FBXO33: variants seen among roughly 807,000 people sequenced by gnomAD.
The protein encoded by FBXO33 is F-box only protein 33.
Under a neutral mutation model 46.3 loss-of-function variants are expected in FBXO33, and 22 were observed. That is an observed-to-expected ratio of 0.48 (90% CI 0.34 to 0.68). FBXO33 has a LOEUF of 0.68. Ranked by LOEUF, FBXO33 falls within the 30% of genes least tolerant of loss-of-function variation. The pLI, the probability that FBXO33 is intolerant of heterozygous loss-of-function variation, is 0.01. For missense variants in FBXO33, 692 were observed against 708.8 expected, an observed-to-expected ratio of 0.98 and a Z score of 0.27; for synonymous variants, 337 against 291.3, an observed-to-expected ratio of 1.16 and a Z score of -1.60.
rs967693160 is a variant in FBXO33 at position 39,398,693 on chromosome 14, T to C, written c.*823A>G. On this transcript the variant is annotated 3_prime_UTR_variant, in exon 4 of 4. Coordinates refer to ENST00000298097, the MANE Select transcript of FBXO33 (RefSeq NM_203301.4). ...AGAGAAAAATCCAGTGACTTGTTGC[T>C]AGGGATTTCACGACTAATGTTTTTG... 5.2e-5 allele frequency: 8 copies of C among 152,668 alleles called. No individual in the cohort carries two copies. Among genetic ancestry groups the C allele is most frequent in the African/African-American group, 1.9e-4 (8 of 41,470 alleles). 9.5% of individuals were successfully genotyped at this position (152,668 alleles called of 1,614,324 possible). A position where few individuals can be genotyped will look rare whatever the true frequency, so the allele number is the denominator to read the frequency against.
chr14:39,414,546 T>G (rs1463766123), intron 1 of FBXO33, among the ~76,000 whole-genome samples: 1 of 152,264 alleles, frequency 6.6e-6, no homozygotes, highest in African/African-American at 2.4e-5. Context: ...GCTCTTGAAG[T>G]GCCTTCCTTA....
chr14:39,400,604 G>GT, intron 3 of FBXO33, among the ~76,000 whole-genome samples: 1 of 152,096 alleles, frequency 6.6e-6, no homozygotes, highest in East Asian at 1.9e-4. Flanking sequence ...TAATAAGAGA[G>GT]TTTAAGACAT....
intron 1 of FBXO33, among the ~76,000 whole-genome samples, chr14:39,408,001 C>A (rs1273500882): frequency 6.6e-6 from 1 of 152,174 alleles, no homozygotes; most frequent in Non-Finnish European, 1.5e-5. Flanking sequence ...GAGTGCAGGG[C>A]ACCATCTAGG....
intron 1 of FBXO33, among the ~76,000 whole-genome samples, chr14:39,427,041 A>G (rs1453291154): frequency 2.0e-5 from 3 of 152,202 alleles, no homozygotes; most frequent in Non-Finnish European, 4.4e-5. Flanking sequence ...CTATCATTTT[A>G]GCTCCTAAAT....
chr14:39,409,616 GC>G (rs745546875), intron 1 of FBXO33, among the ~76,000 whole-genome samples: 1 of 152,178 alleles, frequency 6.6e-6, no homozygotes, highest in Non-Finnish European at 1.5e-5. Flanking sequence ...TGTAAAACAT[GC>G]CATTGAGATT....
rs1433752736 is a variant in FBXO33 at position 39,399,449 on chromosome 14, C to A, written c.*67G>T. On this transcript the variant is annotated 3_prime_UTR_variant, in exon 4 of 4. Transcript: ENST00000298097. ...AGCACAAAAGGATTAATTCACACTA[C>A]TGAAAAAAAAACATAATAGGACCCT... is the stretch of plus-strand genomic sequence containing the variant. The A allele has an allele frequency of 3.5e-6, 5 of 1,409,900 alleles. No homozygotes were observed. The highest frequency in any genetic ancestry group is 4.6e-5 in the Admixed American group (2 of 43,228). 87.3% of individuals were successfully genotyped at this position (1,409,900 alleles called of 1,614,324 possible).
In FBXO33 at chr14:39,402,424, G is replaced by T. The variant is rs1288952168; in HGVS notation, c.687C>A (p.Asp229Glu). The change falls in exon 2 of 4, where the codon GAC becomes GAA. Residue 229 changes from aspartate (D) to glutamate (E), a missense_variant. Transcript: ENST00000298097. ...ACTGTTTAATTTTTTTGCCATCAGG[G>T]TCCACCTTGCTGAGGTATGTATTTG... ...SLSNTYLSKV[D>E]PDGKKIKQIQ... 2.5e-6 allele frequency: 4 copies of T among 1,572,184 alleles called. No individual in the cohort carries two copies. The highest frequency in any genetic ancestry group is 1.8e-5 in the Admixed American group (1 of 55,866).
chr14:39,424,389 A>G (rs1186795089), intron 1 of FBXO33, among the ~76,000 whole-genome samples: 2 of 152,244 alleles, frequency 1.3e-5, no homozygotes, highest in Non-Finnish European at 2.9e-5. Flanking sequence ...TTTCCATAAG[A>G]AAAAGCTCTA....
rs2075356106 is a variant in FBXO33, at chr14:39,398,922, A to G, written c.*594T>C. 6.6e-6 allele frequency: 1 copy of G among 152,224 alleles called. No homozygotes were observed. Among genetic ancestry groups the G allele is most frequent in the Admixed American group, 6.5e-5 (1 of 15,280 alleles). 9.4% of individuals were successfully genotyped at this position (152,224 alleles called of 1,614,324 possible). A position where few individuals can be genotyped will look rare whatever the true frequency, so the allele number is the denominator to read the frequency against. On this transcript the variant is annotated 3_prime_UTR_variant, in exon 4 of 4. Transcript: ENST00000298097. ...ACGTAAATGCATTTTTTTTAAAAGG[A>G]TTAAGCAATGTTCTAACCTAGTACT...
At position 39,431,906 on chromosome 14, in the gene FBXO33, G is replaced by A; in HGVS notation, c.257C>T (p.Pro86Leu). ...IVHIFSFLPA[P>L]DRLRASASCS... ...GGAGGCCGAGGCCCGCAGCCGGTCG[G>A]GCGCCGGCAGAAAAGAGAAGATGTG... The change falls in exon 1 of 4, where the codon CCC becomes CTC. Residue 86 changes from proline to leucine, a missense_variant. By Grantham distance (98) the Pro-to-Leu change is moderately conservative (BLOSUM62 -3). Transcript: ENST00000298097. 1.3e-6 allele frequency: 2 copies of A among 1,545,572 alleles called. No individual in the cohort carries two copies. Among genetic ancestry groups the A allele is most frequent in the Non-Finnish European group, 1.7e-6 (2 of 1,151,946 alleles).
intron 1 of FBXO33, among the ~76,000 whole-genome samples, chr14:39,417,009 T>C (rs1203081927): frequency 6.6e-6 from 1 of 152,188 alleles, no homozygotes; most frequent in Non-Finnish European, 1.5e-5. Context: ...TTTCCCTTTA[T>C]TCCTAGTTGT....
rs1274227079 is a variant in FBXO33 at position 39,398,470 on chromosome 14, T to G, written c.*1046A>C. 1 of 151,126 alleles carries G rather than the reference T, an allele frequency of 6.6e-6. No homozygotes were observed. Among genetic ancestry groups the G allele is most frequent in the South Asian group, 2.1e-4 (1 of 4,818 alleles). The allele number at this position is 151,126 out of a possible 1,614,324, so 9.4% of individuals were successfully genotyped here. On this transcript the variant is annotated 3_prime_UTR_variant, in exon 4 of 4. Coordinates refer to ENST00000298097, the MANE Select transcript of FBXO33 (RefSeq NM_203301.4). Reference sequence around the variant, plus strand: ...CAGGTGCATGTTTTTTTTTTCTTTTTTTTTTTTTTTTGTTTTGTTTTTTCA... The same window carrying G: ...CAGGTGCATGTTTTTTTTTTCTTTTGTTTTTTTTTTTGTTTTGTTTTTTCA...
At chr14:39,410,535 C>A in intron 1 of FBXO33, among the ~76,000 whole-genome samples, 1 of 152,176 alleles carries the variant, frequency 6.6e-6, no homozygotes, top group East Asian at 1.9e-4. Flanking sequence ...GTGCTAGTCA[C>A]ATAAAATGAG....
chr14:39,411,522 C>T (rs2075422643), intron 1 of FBXO33, among the ~76,000 whole-genome samples: 1 of 149,668 alleles, frequency 6.7e-6, no homozygotes, highest in Admixed American at 6.7e-5. Context: ...TTTGACTTCC[C>T]CCCCCTTTTT....
chr14:39,427,362 T>C (rs1162901188), intron 1 of FBXO33, among the ~76,000 whole-genome samples: 1 of 152,188 alleles, frequency 6.6e-6, no homozygotes, highest in African/African-American at 2.4e-5. Context: ...AGGAGCCTGC[T>C]GGGAATGCAG....
chr14:39,429,144 C>T (rs1222548150), intron 1 of FBXO33, among the ~76,000 whole-genome samples: 1 of 152,174 alleles, frequency 6.6e-6, no homozygotes, highest in Non-Finnish European at 1.5e-5. Flanking sequence ...TTGAAAAGTT[C>T]ACACAATTCA....
intron 1 of FBXO33, among the ~76,000 whole-genome samples, chr14:39,426,364 C>T (rs1165330494): frequency 1.3e-5 from 2 of 152,116 alleles, no homozygotes; most frequent in African/African-American, 4.8e-5. Flanking sequence ...GTTCAAGCTA[C>T]CATCATCTCT....
chr14:39,401,999 C>T, intron 2 of FBXO33, 138 bp from the exon 3 acceptor site: 1 of 652,696 alleles, frequency 1.5e-6, no homozygotes, highest in Non-Finnish European at 2.6e-6. Flanking sequence ...CGATTCAACC[C>T]ACAGTAAATA....
intron 1 of FBXO33, among the ~76,000 whole-genome samples, chr14:39,427,847 C>T (rs1439124352): frequency 3.3e-5 from 5 of 152,036 alleles, no homozygotes; most frequent in Non-Finnish European, 7.4e-5. Flanking sequence ...ACTAGGGAGG[C>T]TGGGGTGGGA....
Sources: allele counts gnomAD v4.1 joint callset (sites outside exome capture counted in the v4.1 genomes callset), GRCh38; gene constraint gnomAD v4.1.1; transcripts MANE v1.5; gene names NCBI Gene and HGNC (gene_info 2026-07-23, HGNC 2026-07-21).